LRRTM4: variants seen among roughly 807,000 people sequenced by gnomAD.
The protein encoded by LRRTM4 is leucine rich repeat transmembrane neuronal 4.
Under a neutral mutation model 47.6 loss-of-function variants are expected in LRRTM4, and 25 were observed. The observed-to-expected ratio is 0.53, with a 90% CI of 0.38 to 0.73. The LOEUF (loss-of-function observed/expected upper bound fraction) is 0.73. Ranked by LOEUF, LRRTM4 falls within the 30% of genes least tolerant of loss-of-function variation. LRRTM4 has a pLI of 0.00. For missense variants in LRRTM4, 638 were observed against 713.4 expected (o/e 0.89, Z 1.20); for synonymous variants, 311 against 269.5 (o/e 1.15, Z -1.51).
chr2:77,451,782 G>T (rs1010491149), intron 3 of LRRTM4, among the ~76,000 whole-genome samples: 3 of 152,132 alleles, frequency 2.0e-5, no homozygotes, highest in Admixed American at 2.0e-4. Context: ...GGAACAAAAG[G>T]TGAGAAGGAG....
At chr2:77,436,767 A>G (rs1022549741) in intron 3 of LRRTM4, among the ~76,000 whole-genome samples, 19 of 151,884 alleles carry the variant, frequency 1.3e-4, no homozygotes, top group African/African-American at 4.6e-4. Context: ...ATGATCACAT[A>G]TTTTCTGTAT....
At chr2:77,047,686 A>G (rs1228265858) in intron 3 of LRRTM4, among the ~76,000 whole-genome samples, 1 of 152,026 alleles carries the variant, frequency 6.6e-6, no homozygotes, top group African/African-American at 2.4e-5. Context: ...ACTTCCCTTT[A>G]TCTTAACATA....
At chr2:76,986,569 G>A (rs1459366660) in intron 3 of LRRTM4, among the ~76,000 whole-genome samples, 1 of 151,924 alleles carries the variant, frequency 6.6e-6, no homozygotes, top group Non-Finnish European at 1.5e-5. Context: ...TGGGGGCATG[G>A]TAATTACAAA....
intron 3 of LRRTM4, among the ~76,000 whole-genome samples, chr2:77,477,920 A>AAAGAAAG (rs1677489463): frequency 1.2e-5 from 1 of 81,936 alleles, no homozygotes; most frequent in African/African-American, 4.8e-5. Context: ...AGAAAGAAAG[A>AAAGAAAG]AAGAAAGAAA....
chr2:77,132,740 G>A (rs1194694925), intron 3 of LRRTM4, among the ~76,000 whole-genome samples: 2 of 152,170 alleles, frequency 1.3e-5, no homozygotes, highest in Admixed American at 6.5e-5. Context: ...CTTCATCAAT[G>A]AATCAGCTCC....
At chr2:76,855,537 A>G (rs183040368) in intron 3 of LRRTM4, among the ~76,000 whole-genome samples, 1 of 152,228 alleles carries the variant, frequency 6.6e-6, no homozygotes, top group African/African-American at 2.4e-5. Flanking sequence ...AATAGACTTC[A>G]CTTATCCCAA....
At chr2:77,276,836 C>T (rs1214434762) in intron 3 of LRRTM4, among the ~76,000 whole-genome samples, 1 of 150,460 alleles carries the variant, frequency 6.6e-6, no homozygotes. Context: ...AAACTTTTGT[C>T]TTCTAGCGTT....
chr2:77,206,792 A>G (rs967657234), intron 3 of LRRTM4, among the ~76,000 whole-genome samples: 4 of 152,118 alleles, frequency 2.6e-5, no homozygotes, highest in African/African-American at 4.8e-5. Context: ...CACAAAACTT[A>G]TAAATTTTAA....
intron 3 of LRRTM4, among the ~76,000 whole-genome samples, chr2:77,015,327 T>TCC (rs1678023082): frequency 6.6e-6 from 1 of 152,080 alleles, no homozygotes; most frequent in African/African-American, 2.4e-5. Context: ...AGTTGTACTT[T>TCC]ATTTATTTAT....
chr2:76,759,478 A>C (rs1015299034), intron 3 of LRRTM4, among the ~76,000 whole-genome samples: 2 of 152,098 alleles, frequency 1.3e-5, no homozygotes, highest in African/African-American at 4.8e-5. Context: ...TTTAGAGACG[A>C]TCTTACAGGG....
intron 3 of LRRTM4, among the ~76,000 whole-genome samples, chr2:77,050,611 G>A (rs546128603): frequency 6.6e-6 from 1 of 152,206 alleles, no homozygotes; most frequent in South Asian, 2.1e-4. Context: ...AGAAGTTATT[G>A]CCAGTAACTC....
intron 3 of LRRTM4, among the ~76,000 whole-genome samples, chr2:77,311,462 A>G (rs562934595): frequency 1.3e-5 from 2 of 152,306 alleles, no homozygotes; most frequent in African/African-American, 4.8e-5. Context: ...CATGTTTACC[A>G]GCCGTGGGAA....
At chr2:77,220,942 G>A (rs564830360) in intron 3 of LRRTM4, among the ~76,000 whole-genome samples, 5 of 152,276 alleles carry the variant, frequency 3.3e-5, no homozygotes, top group African/African-American at 1.2e-4. Flanking sequence ...AAAATGTTAA[G>A]GGCAGCCAGA....
intron 3 of LRRTM4, among the ~76,000 whole-genome samples, chr2:77,282,394 T>C (rs1311449344): frequency 1.3e-5 from 2 of 151,852 alleles, no homozygotes; most frequent in Admixed American, 1.3e-4. Flanking sequence ...AGAGAGATAG[T>C]TTGACTTATT....
At chr2:77,480,487 G>T (rs910710007) in intron 3 of LRRTM4, among the ~76,000 whole-genome samples, 1 of 152,072 alleles carries the variant, frequency 6.6e-6, no homozygotes, top group African/African-American at 2.4e-5. Flanking sequence ...CATCAGCCAG[G>T]GTTAATGTTG....
chr2:77,260,593 C>T (rs769438732), intron 3 of LRRTM4, among the ~76,000 whole-genome samples: 20 of 152,012 alleles, frequency 1.3e-4, no homozygotes, highest in Middle Eastern at 3.2e-3. Flanking sequence ...TCATTTAGTT[C>T]TTGATGCAAT....
In LRRTM4 at chr2:77,522,359, T is replaced by G; in HGVS notation, c.-398A>C. Reference sequence around the variant, plus strand: ...GCTCAGAGCTTGTTGGTGCTAATGCTTGAGTTTGTGATACACTGAGTGCCC... The same window carrying G: ...GCTCAGAGCTTGTTGGTGCTAATGCGTGAGTTTGTGATACACTGAGTGCCC... On this transcript the variant is annotated 5_prime_UTR_variant, in exon 1 of 4. Coordinates refer to ENST00000409884, the MANE Select transcript of LRRTM4 (RefSeq NM_001134745.3). 1 of 443,016 alleles carries G rather than the reference T, an allele frequency of 2.3e-6. No homozygotes were observed. Among genetic ancestry groups the G allele is most frequent in the Non-Finnish European group, 4.0e-6 (1 of 248,904 alleles). 27.4% of individuals were successfully genotyped at this position (443,016 alleles called of 1,614,324 possible). A position where few individuals can be genotyped will look rare whatever the true frequency, so the allele number is the denominator to read the frequency against.
chr2:77,436,034 G>T (rs1675583430), intron 3 of LRRTM4, among the ~76,000 whole-genome samples: 1 of 151,964 alleles, frequency 6.6e-6, no homozygotes, highest in African/African-American at 2.4e-5. Context: ...AGATAATTTT[G>T]ACTCTCCATT....
chr2:76,972,152 C>T (rs530761299), intron 3 of LRRTM4, among the ~76,000 whole-genome samples: 15 of 151,880 alleles, frequency 9.9e-5, no homozygotes, highest in Admixed American at 2.6e-4. Context: ...TTTGTCTTAG[C>T]GAAAAGGAGA....
Sources: gnomAD v4.1 joint callset for allele counts (sites outside exome capture counted in the v4.1 genomes callset) on GRCh38, gnomAD v4.1.1 for gene constraint, MANE v1.5 for transcripts, NCBI Gene and HGNC (gene_info 2026-07-23, HGNC 2026-07-21) for gene names.